GON4L: variants seen among roughly 807,000 people sequenced by gnomAD.
The protein encoded by GON4L is GON-4-like protein.
Under a neutral mutation model 211.8 loss-of-function variants are expected in GON4L, and 87 were observed. The ratio of observed to expected loss-of-function variants is 0.41; its 90% CI spans 0.35 to 0.49. The LOEUF (loss-of-function observed/expected upper bound fraction) is 0.49. Ranked by LOEUF, GON4L falls within the 20% of genes least tolerant of loss-of-function variation. The pLI, the probability that GON4L is intolerant of heterozygous loss-of-function variation, is 0.15. For missense variants in GON4L, 2,155 were observed against 2,659.5 expected (o/e 0.81, Z 4.17); for synonymous variants, 875 against 962.6 (o/e 0.91, Z 1.68).
intron 11 of GON4L, among the ~76,000 whole-genome samples, chr1:155,802,905 A>G (rs573818028): frequency 1.5e-4 from 23 of 152,268 alleles, no homozygotes; most frequent in African/African-American, 5.5e-4. Flanking sequence ...GCAGTGAGCT[A>G]AGATCTCACC....
chr1:155,801,581 T>C (rs889187912), intron 11 of GON4L, among the ~76,000 whole-genome samples: 3 of 152,140 alleles, frequency 2.0e-5, no homozygotes, highest in Non-Finnish European at 4.4e-5. Flanking sequence ...TAAAATTTTA[T>C]TTTATTTTAA....
At chr1:155,816,286 T>C in intron 6 of GON4L, 24 bp from the exon 7 acceptor site, 1 of 1,023,480 alleles carries the variant, frequency 9.8e-7, no homozygotes, top group Non-Finnish European at 1.5e-6. Context: ...ATATAAATAA[T>C]TAAGTTATCT....
rs554053219 is a variant in GON4L, at chr1:155,846,059, G to T, written c.505+7217C>A. 182 of 218,094 alleles carry T rather than the reference G, an allele frequency of 8.3e-4. 1 individual carries two copies. The highest frequency in any genetic ancestry group is 3.9e-3 in the African/African-American group (171 of 43,400). 13.5% of individuals were successfully genotyped at this position (218,094 alleles called of 1,614,324 possible). ...CCACCAATTCATCTATCAGCTGCAGGTCTTCAAGCTGCTGCCAGTCATTAG... is the reference window on the plus strand; with the variant it reads ...CCACCAATTCATCTATCAGCTGCAGTTCTTCAAGCTGCTGCCAGTCATTAG... On this transcript the variant is annotated intron_variant, in intron 2 of 31. Transcript: ENST00000368331.
At chr1:155,848,740 A>G (rs1671481381) in intron 2 of GON4L, among the ~76,000 whole-genome samples, 3 of 152,318 alleles carry the variant, frequency 2.0e-5, no homozygotes, top group Middle Eastern at 3.4e-3. Context: ...TATGTTTTAA[A>G]CCAAAACTCA....
At chr1:155,850,852 C>A (rs1217605899) in intron 2 of GON4L, among the ~76,000 whole-genome samples, 1 of 135,114 alleles carries the variant, frequency 7.4e-6, no homozygotes, top group African/African-American at 2.8e-5. Flanking sequence ...AGTTCGAGAC[C>A]AGCGTGGCCA....
chr1:155,822,405 T>A lies in GON4L; in HGVS notation c.769A>T (p.Arg257Trp). ...TATGCCAAGGTCCCTTCTTGACCCCTTCCATCTCGTTTCCTCTTGGTACCC... is the reference window on the plus strand; with the variant it reads ...TATGCCAAGGTCCCTTCTTGACCCCATCCATCTCGTTTCCTCTTGGTACCC... ...KKGTKRKRDG[R>W]GQEGTLAYDL... The change falls in exon 4 of 32, where the codon AGG (arginine) becomes TGG (tryptophan). Residue 257 changes from arginine to tryptophan, a missense_variant. By Grantham distance (101) the Arg-to-Trp change is moderately radical (BLOSUM62 -3). Coordinates refer to ENST00000368331, the MANE Select transcript of GON4L (RefSeq NM_001282860.2). 1.9e-6 allele frequency: 3 copies of A among 1,613,724 alleles called. No homozygotes were observed. The highest frequency in any genetic ancestry group is 2.5e-6 in the Non-Finnish European group (3 of 1,179,634).
Position 155,752,019 on chromosome 1 carries a change from C to A in GON4L, c.6414G>T (p.Thr2138=), listed in dbSNP as rs752639221. 21 of 1,613,626 alleles carry A rather than the reference C, an allele frequency of 1.3e-5. No individual in the cohort carries two copies. In the East Asian group the frequency reaches 3.8e-4, roughly 29 times the overall value. The part of the protein sequence containing the change: ...GEQQPKAAEA[T]VCANNSKVSS... The stretch of plus-strand genomic sequence containing the variant: ...TGACCTTGCTGTTGTTGGCACACAC[C>A]GTAGCTTCTGCGGCCTTTGGCTGCT... Residue 2138 remains threonine, a synonymous_variant, in exon 30 of 32, where the codon ACG becomes ACT. Coordinates refer to ENST00000368331, the MANE Select transcript of GON4L (RefSeq NM_001282860.2).
intron 24 of GON4L, among the ~76,000 whole-genome samples, chr1:155,758,446 A>G (rs1249678038): frequency 6.6e-6 from 1 of 152,202 alleles, no homozygotes. Flanking sequence ...GTTCAAGAAC[A>G]GCAACATACT....
intron 2 of GON4L, chr1:155,845,585 G>A (rs889169123): frequency 5.6e-5 from 17 of 301,202 alleles, no homozygotes; most frequent in African/African-American, 1.3e-4. Flanking sequence ...TTTAGCCCAC[G>A]ATTATTTGAA....
At chr1:155,775,603 C>A (rs776634015) in intron 16 of GON4L, among the ~76,000 whole-genome samples, 1 of 151,732 alleles carries the variant, frequency 6.6e-6, no homozygotes, top group Non-Finnish European at 1.5e-5. Context: ...TAATTACAGG[C>A]GCCCGCTACC....
intron 4 of GON4L, 77 bp downstream of exon 4, chr1:155,822,209 G>T: frequency 8.2e-7 from 1 of 1,221,698 alleles, no homozygotes; most frequent in Non-Finnish European, 1.2e-6. Context: ...CAAGAGTCAA[G>T]AATTTGCTGA....
chr1:155,771,350 G>A, intron 18 of GON4L, 133 bp from the exon 19 acceptor site: 2 of 1,176,306 alleles, frequency 1.7e-6, no homozygotes, highest in Non-Finnish European at 2.5e-6. Context: ...CACCCAGGCT[G>A]GAGTGCAGTG....
chr1:155,859,149 C>T (rs1426053347), upstream of GON4L, among the ~76,000 whole-genome samples: 1 of 152,074 alleles, frequency 6.6e-6, no homozygotes, highest in Non-Finnish European at 1.5e-5. Context: ...CTCAGAAATG[C>T]ATAATGATGG....
chr1:155,813,058 G>C (rs922857314), intron 10 of GON4L, among the ~76,000 whole-genome samples: 3 of 152,156 alleles, frequency 2.0e-5, no homozygotes, highest in African/African-American at 7.2e-5. Context: ...AGGTTAATTT[G>C]GGGGAATTTG....
chr1:155,758,353 A>G (rs1661406353), intron 24 of GON4L, among the ~76,000 whole-genome samples: 2 of 152,262 alleles, frequency 1.3e-5, no homozygotes, highest in Non-Finnish European at 1.5e-5. Context: ...TATATTACAA[A>G]GAACTTTCAG....
At chr1:155,754,522 T>C (rs1162124456) in intron 27 of GON4L, 34 bp from the exon 28 acceptor site, 3 of 1,006,130 alleles carry the variant, frequency 3.0e-6, no homozygotes, top group Non-Finnish European at 4.4e-6. Context: ...AGCTGCCAAG[T>C]TGTTTTTTTT....
chr1:155,750,585 C>G lies in GON4L; in HGVS notation c.6725G>C (p.Ter2242SerextTer30). Residue 2242 changes from the stop codon to serine (S), a stop_lost, in exon 32 of 32, where the codon TGA (stop) becomes TCA (serine). Coordinates refer to ENST00000368331, the MANE Select transcript of GON4L (RefSeq NM_001282860.2). ...DLLSEEELDE[*>S] ...CCTGTGTAGATGATTCCCAGAGTCT[C>G]ATTCATCCAGCTCCTCTTCAGACAG... 1 of 1,587,290 alleles carries G rather than the reference C, an allele frequency of 6.3e-7. No homozygotes were observed. Among genetic ancestry groups the G allele is most frequent in the Non-Finnish European group, 8.6e-7 (1 of 1,156,650 alleles).
At chr1:155,788,240 G>A (rs1665159219) in intron 12 of GON4L, among the ~76,000 whole-genome samples, 1 of 150,862 alleles carries the variant, frequency 6.6e-6, no homozygotes, top group South Asian at 2.1e-4. Flanking sequence ...TGATCTGCCT[G>A]CCTCAGTATC....
intron 3 of GON4L, among the ~76,000 whole-genome samples, chr1:155,825,951 G>A (rs1377349803): frequency 6.6e-6 from 1 of 152,078 alleles, no homozygotes; most frequent in African/African-American, 2.4e-5. Flanking sequence ...GCTGAGGCGG[G>A]AGAATCGCTT....
Sources: allele counts gnomAD v4.1 joint callset (sites outside exome capture counted in the v4.1 genomes callset), GRCh38; gene constraint gnomAD v4.1.1; transcripts MANE v1.5; gene names NCBI Gene and HGNC (gene_info 2026-07-23, HGNC 2026-07-21).